RAB38: variants seen among roughly 807,000 people sequenced by gnomAD.
RAB38 encodes the protein ras-related protein Rab-38.
RAB38 carries 15 observed loss-of-function variants against 18.4 expected under a neutral mutation model. That is an observed-to-expected ratio of 0.82 (90% CI 0.55 to 1.26). RAB38 has a LOEUF of 1.26. RAB38 is among the 50% of genes most tolerant of loss of function. The probability of loss-of-function intolerance (pLI) is 0.00; values close to 1 mark genes in which losing one functional copy is unlikely to be tolerated. For missense variants in RAB38, 294 were observed against 267.4 expected (o/e 1.10, Z -0.69); for synonymous variants, 101 against 104.4 (o/e 0.97, Z 0.20).
At chr11:87,863,382 C>A in the RAB38 span, among the ~76,000 whole-genome samples, 2 of 151,772 alleles carry the variant, frequency 1.3e-5, no homozygotes, top group African/African-American at 2.4e-5. Context: ...TGTTAGTTTT[C>A]TTTCTTCCTT....
chr11:87,823,435 A>G, the RAB38 span, among the ~76,000 whole-genome samples: 10 of 152,140 alleles, frequency 6.6e-5, 1 homozygote, highest in East Asian at 1.9e-3. Flanking sequence ...ATATATGAAA[A>G]TTCAATGGAT....
the RAB38 span, among the ~76,000 whole-genome samples, chr11:87,841,285 T>G: frequency 6.6e-6 from 1 of 152,166 alleles, no homozygotes; most frequent in African/African-American, 2.4e-5. Flanking sequence ...GCTGTTCTTA[T>G]GATAGTGAGG....
At chr11:87,917,833 C>T in the RAB38 span, 1 of 152,030 alleles carries the variant, frequency 6.6e-6, no homozygotes, top group Non-Finnish European at 1.5e-5. Context: ...ATTGATTGTT[C>T]CTCATTTAAA....
intron 2 of RAB38, among the ~76,000 whole-genome samples, chr11:88,120,873 C>G (rs1427913574): frequency 6.6e-6 from 1 of 152,198 alleles, no homozygotes. Context: ...CATGAAACAT[C>G]TCCAAGCTCA....
chr11:87,852,005 G>C, the RAB38 span, among the ~76,000 whole-genome samples: 1 of 152,114 alleles, frequency 6.6e-6, no homozygotes, highest in South Asian at 2.1e-4. Context: ...TTTATGCTAA[G>C]TTTGATGAAA....
At chr11:87,911,787 T>C in the RAB38 span, among the ~76,000 whole-genome samples, 1 of 152,042 alleles carries the variant, frequency 6.6e-6, no homozygotes, top group Admixed American at 6.6e-5. Flanking sequence ...GCATGCTTGC[T>C]GTGTTTCTTA....
In RAB38 at chr11:88,164,634, CT is replaced by C. The variant is rs913213805; in HGVS notation, c.202+10548del. On this transcript the variant is annotated intron_variant, in intron 1 of 2. Transcript: ENST00000243662. ...AATTTTCTTTTAATTTATGCGTTCT[CT>C]TTTTTTTTCTTATGGCTATTATAAC... Among the ~76,000 whole-genome samples, 6 of 148,306 alleles carry C rather than the reference CT, an allele frequency of 4.0e-5. No homozygotes were observed. The South Asian group carries it at 6.5e-4, about 16-fold the overall frequency.
At chr11:88,083,015 T>G in the RAB38 span, among the ~76,000 whole-genome samples, 1 of 151,868 alleles carries the variant, frequency 6.6e-6, no homozygotes. Context: ...TTAGTAATAT[T>G]GGTCACTTCA....
the RAB38 span, among the ~76,000 whole-genome samples, chr11:87,861,458 A>T: frequency 6.6e-6 from 1 of 151,922 alleles, no homozygotes; most frequent in Non-Finnish European, 1.5e-5. Context: ...CTGAAGACAA[A>T]TCACAATCAA....
the RAB38 span, among the ~76,000 whole-genome samples, chr11:87,957,937 C>A: frequency 1.3e-5 from 2 of 152,216 alleles, no homozygotes; most frequent in East Asian, 3.9e-4. Flanking sequence ...TTTCTCTTCC[C>A]TAGAATCACT....
At chr11:88,070,265 TTAAGAGCTG>T in the RAB38 span, among the ~76,000 whole-genome samples, 1 of 151,988 alleles carries the variant, frequency 6.6e-6, no homozygotes, top group Non-Finnish European at 1.5e-5. Context: ...ACGGGCCGCC[TTAAGAGCTG>T]TAATACTCAC....
At chr11:88,155,461 G>C (rs1943113500) in intron 1 of RAB38, among the ~76,000 whole-genome samples, 2 of 151,918 alleles carry the variant, frequency 1.3e-5, no homozygotes, top group Admixed American at 1.3e-4. Flanking sequence ...AGACCCCATG[G>C]AGCAGGGCAA....
At chr11:88,030,080 C>G in the RAB38 span, among the ~76,000 whole-genome samples, 6 of 152,118 alleles carry the variant, frequency 3.9e-5, no homozygotes, top group African/African-American at 1.4e-4. Flanking sequence ...GAATCTCACT[C>G]AAAACCACTC....
chr11:88,101,595 G>A, the RAB38 span, among the ~76,000 whole-genome samples: 1 of 151,740 alleles, frequency 6.6e-6, no homozygotes, highest in Non-Finnish European at 1.5e-5. Flanking sequence ...TGTGAATAGT[G>A]TATCACTCAT....
chr11:88,075,894 C>CA, the RAB38 span, among the ~76,000 whole-genome samples: 2,948 of 127,260 alleles, frequency 0.023, 88 homozygotes, highest in African/African-American at 0.072. Flanking sequence ...AAAAAGAAAA[C>CA]AAAAAAAAAA....
At chr11:88,082,888 C>T in the RAB38 span, among the ~76,000 whole-genome samples, 1 of 151,866 alleles carries the variant, frequency 6.6e-6, no homozygotes, top group Non-Finnish European at 1.5e-5. Context: ...CAAAAGCCTC[C>T]AATGGCTTTC....
the RAB38 span, among the ~76,000 whole-genome samples, chr11:87,953,810 A>G: frequency 6.6e-6 from 1 of 151,764 alleles, no homozygotes; most frequent in African/African-American, 2.4e-5. Flanking sequence ...GTTTCTCTTT[A>G]AATGCTTGCC....
At chr11:88,104,342 TG>T in the RAB38 span, among the ~76,000 whole-genome samples, 2 of 152,092 alleles carry the variant, frequency 1.3e-5, no homozygotes, top group African/African-American at 4.8e-5. Flanking sequence ...GAAACTTAAC[TG>T]ATGTTTACAC....
intron 2 of RAB38, 78 bp from the exon 3 acceptor site, chr11:88,114,218 A>C: frequency 6.9e-7 from 1 of 1,447,568 alleles, no homozygotes. Flanking sequence ...ATATGTGACA[A>C]TTCATTTAAA....
Sources: allele counts gnomAD v4.1 joint callset (sites outside exome capture counted in the v4.1 genomes callset), GRCh38; gene constraint gnomAD v4.1.1; transcripts MANE v1.5; gene names NCBI Gene and HGNC (gene_info 2026-07-23, HGNC 2026-07-21).